The following PRDM1 variants were observed in gnomAD, a reference collection of about 807,000 sequenced individuals.
PRDM1 encodes PR domain zinc finger protein 1.
Under a neutral mutation model 62.8 loss-of-function variants are expected in PRDM1, and 13 were observed. That is an observed-to-expected ratio of 0.21 (90% CI 0.13 to 0.33). The LOEUF (loss-of-function observed/expected upper bound fraction) is 0.33. Ranked by LOEUF, PRDM1 falls within the 10% of genes least tolerant of loss-of-function variation. The pLI is 1.00. For missense variants in PRDM1, 895 were observed against 1,058.8 expected (o/e 0.85, Z 2.15); for synonymous variants, 396 against 417.6 (o/e 0.95, Z 0.63).
intron 1 of PRDM1, among the ~76,000 whole-genome samples, chr6:106,025,368 AG>A (rs1772750441): frequency 1.3e-5 from 2 of 152,374 alleles, no homozygotes; most frequent in South Asian, 4.1e-4. Context: ...CAGAAGCACA[AG>A]AGGTCTAATT....
chr6:106,004,095 C>G (rs1772458141), intron 1 of PRDM1, among the ~76,000 whole-genome samples: 1 of 151,962 alleles, frequency 6.6e-6, no homozygotes, highest in African/African-American at 2.4e-5. Context: ...TGCTGATAAT[C>G]AGATCAAAGG....
chr6:106,012,305 C>T (rs1050046478), intron 1 of PRDM1, among the ~76,000 whole-genome samples: 2 of 151,008 alleles, frequency 1.3e-5, no homozygotes, highest in Non-Finnish European at 1.5e-5. Flanking sequence ...ATACCACACA[C>T]ACCACATCCC....
chr6:106,102,979 T>C (rs574991945), intron 4 of PRDM1, among the ~76,000 whole-genome samples: 3 of 152,326 alleles, frequency 2.0e-5, no homozygotes, highest in Admixed American at 6.5e-5. Flanking sequence ...TCTCATCCTT[T>C]ACCATTTTAG....
At chr6:106,085,392 G>A (rs571221888), upstream of PRDM1, among the ~76,000 whole-genome samples, 23 of 152,322 alleles carry the variant, frequency 1.5e-4, no homozygotes, top group African/African-American at 5.5e-4. Context: ...CTGAATTAAA[G>A]GATTCCTTGC....
intron 1 of PRDM1, among the ~76,000 whole-genome samples, chr6:106,014,152 C>T (rs922651987): frequency 1.6e-4 from 24 of 150,520 alleles, no homozygotes; most frequent in African/African-American, 5.9e-4. Context: ...CTCTGCTTCC[C>T]AGGCTCAAGC....
intron 1 of PRDM1, among the ~76,000 whole-genome samples, chr6:106,070,761 T>C (rs1388962967): frequency 6.6e-6 from 1 of 152,246 alleles, no homozygotes; most frequent in East Asian, 1.9e-4. Flanking sequence ...ATTGTTAATA[T>C]TTGAATAGTA....
intron 1 of PRDM1, among the ~76,000 whole-genome samples, chr6:105,995,998 T>C (rs1582419749): frequency 1.3e-5 from 2 of 152,328 alleles, no homozygotes; most frequent in African/African-American, 4.8e-5. Context: ...GACCCTTCTC[T>C]CTCACTCCAA....
chr6:106,034,280 T>A (rs369974189), intron 1 of PRDM1, among the ~76,000 whole-genome samples: 1 of 152,108 alleles, frequency 6.6e-6, no homozygotes, highest in Non-Finnish European at 1.5e-5. Flanking sequence ...CGTTATTATT[T>A]CCTTCATCTT....
Position 106,106,517 on chromosome 6 carries a change from G to T in PRDM1, c.1902+18G>T. 6.2e-7 allele frequency: 1 copy of T among 1,613,852 alleles called. No homozygotes were observed. The highest frequency in any genetic ancestry group is 8.5e-7 in the Non-Finnish European group (1 of 1,179,984). On this transcript the variant is annotated intron_variant, in intron 6 of 6. Coordinates refer to ENST00000369096, the MANE Select transcript of PRDM1 (RefSeq NM_001198.4). The surrounding 1 kb of genome is among the most constrained non-coding windows in gnomAD (Gnocchi z 4.4). ...AATGCCAGGTGCGCAGTATTTTCTG[G>T]GTAGACCTTCTGACCTTTGTAGAAA...
At chr6:106,021,109 A>G (rs1055559912) in intron 1 of PRDM1, among the ~76,000 whole-genome samples, 1 of 152,276 alleles carries the variant, frequency 6.6e-6, no homozygotes, top group African/African-American at 2.4e-5. Context: ...GATAATCTTA[A>G]GAAAAACACA....
chr6:106,108,521 CTT>C lies in PRDM1; in HGVS notation c.*1055_*1056del, dbSNP rs5878868. 0.1 allele frequency: 15,005 copies of C among 143,470 alleles called. 376 individuals carry two copies. Among genetic ancestry groups the C allele is most frequent in the East Asian group, 0.2 (2,228 of 11,416 alleles). The allele number at this position is 143,470 out of a possible 1,614,324, so 8.9% of individuals were successfully genotyped here. On this transcript the variant is annotated 3_prime_UTR_variant, in exon 7 of 7. Transcript: ENST00000369096. The stretch of plus-strand genomic sequence containing the variant: ...GGTGTTTTGTTGTTGGTTTTTGTTG[CTT>C]TTTTTTTTTTTTTTTTTTTAATGTC...
chr6:106,098,339 T>G lies in PRDM1; in HGVS notation c.412-961T>G, dbSNP rs147791788. Reference sequence around the variant, plus strand: ...AGTGTGTTTATAGTTTCAGTAAGAGTGTACGTTTTAATTTTTCTTCTTCCT... The same window carrying G: ...AGTGTGTTTATAGTTTCAGTAAGAGGGTACGTTTTAATTTTTCTTCTTCCT... On this transcript the variant is annotated intron_variant, in intron 3 of 6. Transcript: ENST00000369096. The G allele has an allele frequency of 9.5e-5, 94 of 985,098 alleles. No individual in the cohort carries two copies. The African/African-American group carries it at 1.5e-3, about 16-fold the overall frequency. 61.0% of individuals were successfully genotyped at this position (985,098 alleles called of 1,614,324 possible).
At chr6:106,092,053 A>C (rs1268522465) in intron 2 of PRDM1, among the ~76,000 whole-genome samples, 2 of 148,010 alleles carry the variant, frequency 1.4e-5, no homozygotes, top group African/African-American at 2.5e-5. Flanking sequence ...ATCAGATGAC[A>C]TTTAGACTTG....
chr6:106,051,641 C>T (rs936609094), intron 1 of PRDM1, among the ~76,000 whole-genome samples: 5 of 152,104 alleles, frequency 3.3e-5, no homozygotes, highest in South Asian at 2.1e-4. Context: ...CTTTCCTTTC[C>T]GTCTGGAAAA....
At chr6:106,064,765 C>A (rs1773405797) in intron 1 of PRDM1, among the ~76,000 whole-genome samples, 1 of 152,128 alleles carries the variant, frequency 6.6e-6, no homozygotes, top group Admixed American at 6.5e-5. Flanking sequence ...GATCAGGAGA[C>A]TTTCTGGGGA....
intron 4 of PRDM1, among the ~76,000 whole-genome samples, chr6:106,102,938 T>A (rs1026086248): frequency 1.3e-5 from 2 of 152,234 alleles, no homozygotes; most frequent in Non-Finnish European, 2.9e-5. Flanking sequence ...GTGAGATGCC[T>A]TGCCTATCAG....
At chr6:106,050,894 GA>G (rs1176357605) in intron 1 of PRDM1, among the ~76,000 whole-genome samples, 1 of 152,032 alleles carries the variant, frequency 6.6e-6, no homozygotes, top group African/African-American at 2.4e-5. Context: ...TATCCTTAAT[GA>G]AAAAAAGTGT....
intron 1 of PRDM1, among the ~76,000 whole-genome samples, chr6:106,079,662 G>A (rs1179405958): frequency 1.3e-5 from 2 of 152,134 alleles, no homozygotes; most frequent in Non-Finnish European, 2.9e-5. Context: ...GCCAAGTGTG[G>A]TGGCACGTGC....
intron 1 of PRDM1, among the ~76,000 whole-genome samples, chr6:106,041,319 G>A (rs997634660): frequency 6.6e-6 from 1 of 152,146 alleles, no homozygotes. Context: ...TAGTATTTTT[G>A]TTCAGGAGCA....
Sources: allele counts gnomAD v4.1 joint callset (sites outside exome capture counted in the v4.1 genomes callset), GRCh38; gene constraint gnomAD v4.1.1; non-coding constraint Gnocchi (gnomAD v3.1); transcripts MANE v1.5; gene names NCBI Gene and HGNC (gene_info 2026-07-23, HGNC 2026-07-21).